The following ZNF516 variants were observed in gnomAD, a reference collection of about 807,000 sequenced individuals.
ZNF516 encodes the protein zinc finger protein 516.
ZNF516 carries 19 observed loss-of-function variants against 79.7 expected under a neutral mutation model. That is an observed-to-expected ratio of 0.24 (90% CI 0.17 to 0.35). The LOEUF (loss-of-function observed/expected upper bound fraction) is 0.35. Among genes scored for constraint, ZNF516 ranks in the 10% least tolerant of loss-of-function variants. The pLI, the probability that ZNF516 is intolerant of heterozygous loss-of-function variation, is 1.00. For synonymous variants in ZNF516, 877 were observed against 739.5 expected (o/e 1.19, Z -3.02); for missense variants, 1,678 against 1,679.5 (o/e 1.00, Z 0.02).
At position 76,371,339 on chromosome 18, in the gene ZNF516, C is replaced by G; in HGVS notation, c.3364+128G>C. 3.2e-6 allele frequency: 3 copies of G among 934,924 alleles called. No individual in the cohort carries two copies. In the South Asian group the frequency reaches 5.0e-5, roughly 16 times the overall value. 57.9% of individuals were successfully genotyped at this position (934,924 alleles called of 1,614,324 possible). ...TGTATACGATCCCGGAGGCAGATGG[C>G]AGGCCCCCCGCCGCCTGGTAGGGGC... On this transcript the variant is annotated intron_variant, in intron 5 of 6. Transcript: ENST00000443185.
chr18:76,440,346 C>G (rs2075798342), intron 3 of ZNF516, among the ~76,000 whole-genome samples: 1 of 152,186 alleles, frequency 6.6e-6, no homozygotes, highest in Non-Finnish European at 1.5e-5. Context: ...AGCCCTGCCC[C>G]GGGCTTGGAT....
At chr18:76,473,905 G>GGT (rs1568322712) in intron 1 of ZNF516, among the ~76,000 whole-genome samples, 2 of 8,290 alleles carry the variant, frequency 2.4e-4, no homozygotes, top group Non-Finnish European at 7.0e-4. Context: ...TTTTTGTGTG[G>GGT]GGGGGGGGGG....
At chr18:76,423,880 A>G (rs2075548597) in intron 3 of ZNF516, among the ~76,000 whole-genome samples, 3 of 145,050 alleles carry the variant, frequency 2.1e-5, no homozygotes, top group East Asian at 2.2e-4. Flanking sequence ...GCAGGTGAAA[A>G]GGTTCCCCCG....
intron 2 of ZNF516, among the ~76,000 whole-genome samples, chr18:76,461,804 AG>A (rs1433090811): frequency 1.3e-5 from 2 of 152,216 alleles, no homozygotes; most frequent in African/African-American, 4.8e-5. Flanking sequence ...CGAGGGGCCC[AG>A]GTCTCATCAG....
chr18:76,475,255 T>G (rs555701072), intron 1 of ZNF516, among the ~76,000 whole-genome samples: 2 of 152,342 alleles, frequency 1.3e-5, no homozygotes, highest in South Asian at 4.1e-4. Context: ...ACAAGAGAGA[T>G]AAAATGAGCA....
Position 76,379,294 on chromosome 18 carries a change from G to T in ZNF516, c.2820C>A (p.Gly940=). ...TPTPTVIARA[G]AQPSANSKPV... is the part of the protein sequence containing the mutation. ...GCTTGCTATTGGCCGAGGGCTGCGC[G>T]CCAGCCCGGGCGATGACGGTGGGCG... The change falls in exon 4 of 7, where the codon GGC becomes GGA. Residue 940 remains glycine, a synonymous_variant. Transcript: ENST00000443185. 1 of 1,608,978 alleles carries T rather than the reference G, an allele frequency of 6.2e-7. No individual in the cohort carries two copies. Among genetic ancestry groups the T allele is most frequent in the Non-Finnish European group, 8.5e-7 (1 of 1,177,584 alleles).
intron 1 of ZNF516, among the ~76,000 whole-genome samples, chr18:76,489,614 A>G (rs1599169859): frequency 6.6e-6 from 1 of 152,092 alleles, no homozygotes; most frequent in African/African-American, 2.4e-5. Flanking sequence ...AAAAGTTAGA[A>G]ATGTAGGACT....
chr18:76,491,039 C>A (rs139814741), intron 1 of ZNF516: 618 of 985,442 alleles, frequency 6.3e-4, no homozygotes, highest in Non-Finnish European at 7.3e-4. Flanking sequence ...CCCAAATCCG[C>A]TCGCGGGCGC....
chr18:76,439,874 A>C (rs567053039), intron 3 of ZNF516, among the ~76,000 whole-genome samples: 4 of 152,326 alleles, frequency 2.6e-5, no homozygotes, highest in African/African-American at 9.6e-5. Context: ...AAATAAAAAA[A>C]GAACACCGAG....
chr18:76,443,182 A>G lies in ZNF516; in HGVS notation c.-128T>C. 7.4e-7 allele frequency: 1 copy of G among 1,358,018 alleles called. No homozygotes were observed. The highest frequency in any genetic ancestry group is 9.7e-7 in the Non-Finnish European group (1 of 1,035,656). 84.1% of individuals were successfully genotyped at this position (1,358,018 alleles called of 1,614,324 possible). On this transcript the variant is annotated 5_prime_UTR_variant, in exon 3 of 7. It removes an upstream start codon present in the reference 5' UTR. Coordinates refer to ENST00000443185, the MANE Select transcript of ZNF516 (RefSeq NM_014643.4). Reference sequence around the variant, plus strand: ...TGCTCCCAGGAGGTGCACCTTCTACATGGGGGGCGCAGCAGCTGGCAGCCA... The same window carrying G: ...TGCTCCCAGGAGGTGCACCTTCTACGTGGGGGGCGCAGCAGCTGGCAGCCA...
rs1413379252 is a variant in ZNF516, at chr18:76,441,255, T to C, written c.1800A>G (p.Glu600=). The C allele has an allele frequency of 1.9e-6, 3 of 1,609,478 alleles. No homozygotes were observed. Among genetic ancestry groups the C allele is most frequent in the African/African-American group, 1.3e-5 (1 of 74,802 alleles). ...AEDSGEEGAP[E]PAPGGQPRRC... ...GGTACACTTGCTCACCTGGTGCAGG[T>C]TCAGGGGCGCCCTCCTCACCACTGT... The change falls in exon 3 of 7, where the codon GAA becomes GAG. Residue 600 remains glutamate, a synonymous_variant. Transcript: ENST00000443185.
chr18:76,454,600 T>TCTATC (rs1912608400), intron 2 of ZNF516, among the ~76,000 whole-genome samples: 1 of 147,484 alleles, frequency 6.8e-6, no homozygotes, highest in South Asian at 2.2e-4. Flanking sequence ...AGGAGAGTGA[T>TCTATC]CTATCAGAGA....
At chr18:76,390,429 T>C (rs1198416054) in intron 3 of ZNF516, among the ~76,000 whole-genome samples, 6 of 152,148 alleles carry the variant, frequency 3.9e-5, no homozygotes, top group African/African-American at 1.2e-4. Context: ...CACACACACC[T>C]GTTGCGGGGT....
chr18:76,401,449 G>C (rs183240380), intron 3 of ZNF516, among the ~76,000 whole-genome samples: 1 of 152,122 alleles, frequency 6.6e-6, no homozygotes, highest in South Asian at 2.1e-4. Flanking sequence ...TGGAGCCCTG[G>C]ATCTATGAAT....
chr18:76,361,788 C>CT lies in ZNF516; in HGVS notation c.*709dup, dbSNP rs1444513316. 2 of 152,214 alleles carry CT rather than the reference C, an allele frequency of 1.3e-5. No individual in the cohort carries two copies. The highest frequency in any genetic ancestry group is 2.4e-5 in the African/African-American group (1 of 41,444). The allele number at this position is 152,214 out of a possible 1,614,324, so 9.4% of individuals were successfully genotyped here. A position where few individuals can be genotyped will look rare whatever the true frequency, so the allele number is the denominator to read the frequency against. On this transcript the variant is annotated 3_prime_UTR_variant, in exon 7 of 7. Transcript: ENST00000443185. ...AATCTACGCATTCCCACAGACGTGT[C>CT]TCCTTTGCCAGATTCGCTCAGTTCG...
chr18:76,490,184 G>T, intron 1 of ZNF516: 1 of 985,370 alleles, frequency 1.0e-6, no homozygotes, highest in Middle Eastern at 5.2e-4. Context: ...TGGCCATGGG[G>T]GTCACTCCTG....
chr18:76,472,460 T>C (rs1334731819), intron 1 of ZNF516, among the ~76,000 whole-genome samples: 1 of 152,198 alleles, frequency 6.6e-6, no homozygotes, highest in Non-Finnish European at 1.5e-5. Context: ...CACATATGCA[T>C]GTATGTGTGT....
intron 1 of ZNF516, among the ~76,000 whole-genome samples, chr18:76,464,379 GA>G (rs1403704644): frequency 6.6e-6 from 1 of 152,144 alleles, no homozygotes; most frequent in Non-Finnish European, 1.5e-5. Flanking sequence ...CTCAAAAACA[GA>G]AAGTGGGACT....
rs533000185 is a variant in ZNF516 at position 76,409,142 on chromosome 18, A to C, written c.1811-28839T>G. ...AAAAATATTTACATAGCTAAAGTGG[A>C]AGAGCAGCAAGAGAACGATTCCAGG... On this transcript the variant is annotated intron_variant, in intron 3 of 6. Coordinates refer to ENST00000443185, the MANE Select transcript of ZNF516 (RefSeq NM_014643.4). Among the ~76,000 whole-genome samples, 4 of 150,842 alleles carry C rather than the reference A, an allele frequency of 2.7e-5. No homozygotes were observed. In the East Asian group the frequency reaches 5.9e-4, roughly 22 times the overall value.
Sources: gnomAD v4.1 joint callset for allele counts (sites outside exome capture counted in the v4.1 genomes callset) on GRCh38, gnomAD v4.1.1 for gene constraint, MANE v1.5 for transcripts, NCBI Gene and HGNC (gene_info 2026-07-23, HGNC 2026-07-21) for gene names.